CNTN4: variants seen among roughly 807,000 people sequenced by gnomAD.
CNTN4 encodes the protein contactin 4, also known as contactin-4.
CNTN4 carries 77 observed loss-of-function variants against 122.5 expected under a neutral mutation model. The ratio of observed to expected loss-of-function variants is 0.63; its 90% CI spans 0.52 to 0.76. The LOEUF is 0.76. Among genes scored for constraint, CNTN4 ranks in the 30% least tolerant of loss-of-function variants. The probability of loss-of-function intolerance (pLI) is 0.00; values close to 1 mark genes in which losing one functional copy is unlikely to be tolerated. For synonymous variants in CNTN4, 512 were observed against 447.0 expected (o/e 1.15, Z -1.83); for missense variants, 1,256 against 1,259.1 (o/e 1.00, Z 0.04).
At chr3:2,120,509 T>A (rs1176057894) in intron 2 of CNTN4, among the ~76,000 whole-genome samples, 1 of 149,878 alleles carries the variant, frequency 6.7e-6, no homozygotes, top group Non-Finnish European at 1.5e-5. Context: ...ATCAAGCAAT[T>A]CTCCTGTCTC....
chr3:2,692,223 TAGC>T (rs1253081208), intron 4 of CNTN4, among the ~76,000 whole-genome samples: 1 of 152,204 alleles, frequency 6.6e-6, no homozygotes, highest in Non-Finnish European at 1.5e-5. Flanking sequence ...TTTTTGCAAA[TAGC>T]AGGAGGAAAA....
chr3:2,160,120 A>G (rs1052733188), intron 2 of CNTN4, among the ~76,000 whole-genome samples: 1 of 152,322 alleles, frequency 6.6e-6, no homozygotes, highest in South Asian at 2.1e-4. Context: ...GTAGACTGGA[A>G]AGAACATGTT....
intron 2 of CNTN4, among the ~76,000 whole-genome samples, chr3:2,130,633 T>G (rs1228971685): frequency 6.6e-6 from 1 of 152,178 alleles, no homozygotes; most frequent in Non-Finnish European, 1.5e-5. Context: ...TGTTTATTAG[T>G]TATTGAAACT....
intron 12 of CNTN4, among the ~76,000 whole-genome samples, chr3:2,908,974 T>G (rs2094268610): frequency 6.6e-6 from 1 of 152,174 alleles, no homozygotes; most frequent in African/African-American, 2.4e-5. Flanking sequence ...CCAATTAAAG[T>G]GAGGTGCAAC....
chr3:3,025,714 T>C (rs1248884030), intron 14 of CNTN4, among the ~76,000 whole-genome samples: 1 of 152,166 alleles, frequency 6.6e-6, no homozygotes, highest in East Asian at 1.9e-4. Context: ...TCAACATGGA[T>C]TTTTCCTGTT....
chr3:2,155,134 A>G (rs1005076691), intron 2 of CNTN4, among the ~76,000 whole-genome samples: 5 of 152,270 alleles, frequency 3.3e-5, no homozygotes, highest in Non-Finnish European at 7.3e-5. Context: ...ATCATAATAC[A>G]GTAAACCTTA....
intron 6 of CNTN4, among the ~76,000 whole-genome samples, chr3:2,752,172 A>T (rs2090127606): frequency 6.6e-6 from 1 of 152,170 alleles, no homozygotes. Context: ...CAAAAACTTA[A>T]TTGACTCATA....
chr3:2,429,867 T>C (rs1186122322), intron 3 of CNTN4, among the ~76,000 whole-genome samples: 1 of 152,160 alleles, frequency 6.6e-6, no homozygotes, highest in African/African-American at 2.4e-5. Context: ...TCCGTGGGCA[T>C]GGGACCCTCC....
intron 7 of CNTN4, among the ~76,000 whole-genome samples, chr3:2,854,226 T>C (rs2150702994): frequency 6.6e-6 from 1 of 151,368 alleles, no homozygotes; most frequent in East Asian, 1.9e-4. Flanking sequence ...AAAAGCATCT[T>C]GGGCCATAAT....
In CNTN4 at chr3:2,549,562, G is replaced by T. The variant is rs570968893; in HGVS notation, c.-88-21854G>T. 1.1e-4 allele frequency among the ~76,000 whole-genome samples: 17 copies of T among 152,282 alleles called. 1 individual carries two copies. Among genetic ancestry groups the T allele is most frequent in the African/African-American group, 4.1e-4 (17 of 41,570 alleles). On this transcript the variant is annotated intron_variant, in intron 3 of 24. Transcript: ENST00000418658. ...CAAGGATGAAGCCGACTTGATCATG[G>T]TGGATAAGCTTTTTGATGTACTGCT...
chr3:2,122,149 C>T (rs1017945571), intron 2 of CNTN4, among the ~76,000 whole-genome samples: 3 of 127,508 alleles, frequency 2.4e-5, no homozygotes, highest in African/African-American at 8.3e-5. Context: ...AGCGACACTC[C>T]ATCTCAAAAA....
chr3:2,278,860 G>A (rs949946730), intron 2 of CNTN4, among the ~76,000 whole-genome samples: 1 of 150,636 alleles, frequency 6.6e-6, no homozygotes, highest in African/African-American at 2.5e-5. Flanking sequence ...ATGGATGATT[G>A]TCACTACTGT....
intron 2 of CNTN4, among the ~76,000 whole-genome samples, chr3:2,313,735 G>A (rs967836099): frequency 2.0e-5 from 3 of 151,958 alleles, no homozygotes; most frequent in Admixed American, 2.0e-4. Context: ...AATTAGTAGT[G>A]TAGTAATAGA....
intron 2 of CNTN4, among the ~76,000 whole-genome samples, chr3:2,122,738 A>G (rs534827098): frequency 1.4e-4 from 21 of 152,330 alleles, no homozygotes; most frequent in South Asian, 6.2e-4. Flanking sequence ...GGTTGTCATA[A>G]TGTTTGAGTT....
Position 2,809,970 on chromosome 3 carries a change from A to G in CNTN4, c.359-9516A>G, listed in dbSNP as rs79044836. ...CAGGAACGCTGTAAGCTCCCAGAGA[A>G]AAGGGCAGCCAAGCAACGTTTATTT... is the stretch of plus-strand genomic sequence containing the variant. On this transcript the variant is annotated intron_variant, in intron 6 of 24. Transcript: ENST00000418658. 3.2e-3 allele frequency among the ~76,000 whole-genome samples: 482 copies of G among 152,360 alleles called. 4 individuals carry two copies. Among genetic ancestry groups the G allele is most frequent in the African/African-American group, 0.011 (466 of 41,578 alleles).
At chr3:2,741,942 A>G (rs1217545193) in intron 5 of CNTN4, among the ~76,000 whole-genome samples, 1 of 152,248 alleles carries the variant, frequency 6.6e-6, no homozygotes, top group Non-Finnish European at 1.5e-5. Context: ...AATCAAATGC[A>G]CTAGCAATTT....
At chr3:2,679,207 A>G (rs1006449847) in intron 4 of CNTN4, among the ~76,000 whole-genome samples, 1 of 152,142 alleles carries the variant, frequency 6.6e-6, no homozygotes, top group Non-Finnish European at 1.5e-5. Flanking sequence ...GTGTCATTTT[A>G]TTTTAGAGGT....
chr3:2,441,368 A>G (rs994129902), intron 3 of CNTN4, among the ~76,000 whole-genome samples: 6 of 152,188 alleles, frequency 3.9e-5, no homozygotes, highest in African/African-American at 1.2e-4. Context: ...TCCTGCCTGT[A>G]TGATCTGATT....
intron 3 of CNTN4, among the ~76,000 whole-genome samples, chr3:2,384,056 T>C (rs1397311691): frequency 6.6e-6 from 1 of 152,194 alleles, no homozygotes; most frequent in Non-Finnish European, 1.5e-5. Flanking sequence ...TTCTCTGAAG[T>C]TGGCTTTTCT....
Sources: allele counts gnomAD v4.1 joint callset (sites outside exome capture counted in the v4.1 genomes callset), GRCh38; gene constraint gnomAD v4.1.1; transcripts MANE v1.5; gene names NCBI Gene and HGNC (gene_info 2026-07-23, HGNC 2026-07-21).